TULP4: variants seen among roughly 807,000 people sequenced by gnomAD.
TULP4 encodes the protein TUB like protein 4.
Under a neutral mutation model 129.0 loss-of-function variants are expected in TULP4, and 16 were observed. The observed-to-expected ratio is 0.12, with a 90% CI of 0.08 to 0.19. The LOEUF (loss-of-function observed/expected upper bound fraction) is 0.19. TULP4 is among the 10% of genes least tolerant of loss of function. TULP4 has a pLI of 1.00. For synonymous variants in TULP4, 998 were observed against 854.0 expected (o/e 1.17, Z -2.94); for missense variants, 1,842 against 2,059.1 (o/e 0.89, Z 2.04).
rs907643970 is a variant in TULP4 at position 158,402,819 on chromosome 6, A to G, written c.253-10246A>G. On this transcript the variant is annotated intron_variant, in intron 1 of 13. Coordinates refer to ENST00000367097, the MANE Select transcript of TULP4 (RefSeq NM_020245.5). ...CAGGTTATTTTTGTAGCTATATCCAAAAATAAATGATGACTATTGGAGTTA... is the reference window on the plus strand; with the variant it reads ...CAGGTTATTTTTGTAGCTATATCCAGAAATAAATGATGACTATTGGAGTTA... 2.6e-5 allele frequency among the ~76,000 whole-genome samples: 4 copies of G among 152,324 alleles called. No individual in the cohort carries two copies. The South Asian group carries it at 8.3e-4, about 32-fold the overall frequency.
Position 158,406,140 on chromosome 6 carries a change from G to A in TULP4, c.253-6925G>A, listed in dbSNP as rs183891181. Among the ~76,000 whole-genome samples, 3 of 152,234 alleles carry A rather than the reference G, an allele frequency of 2.0e-5. No individual in the cohort carries two copies. The East Asian group carries it at 5.8e-4, about 29-fold the overall frequency. On this transcript the variant is annotated intron_variant, in intron 1 of 13. Transcript: ENST00000367097. ...ATTGACGGCCACAGGTGACAGCTTG[G>A]TTAACAGGTGCTCTGAACAAGAGAG...
chr6:158,509,638 A>G lies in TULP4; in HGVS notation c.*2944A>G, dbSNP rs1402038267. On this transcript the variant is annotated 3_prime_UTR_variant, in exon 14 of 14. Transcript: ENST00000367097. ...TCTAAATGCCTAGCTCCCTCCCCCA[A>G]AGGCGCTTTCCCCCGATGGAGGCAC... 2 of 152,182 alleles carry G rather than the reference A, an allele frequency of 1.3e-5. No homozygotes were observed. Among genetic ancestry groups the G allele is most frequent in the South Asian group, 2.1e-4 (1 of 4,824 alleles). 9.4% of individuals were successfully genotyped at this position (152,182 alleles called of 1,614,324 possible). A position where few individuals can be genotyped will look rare whatever the true frequency, so the allele number is the denominator to read the frequency against.
At chr6:158,370,830 A>G (rs535958205) in intron 1 of TULP4, among the ~76,000 whole-genome samples, 6 of 152,346 alleles carry the variant, frequency 3.9e-5, no homozygotes, top group African/African-American at 1.4e-4. Context: ...GGAGTCAGAT[A>G]GTAGCTCTGA....
chr6:158,472,664 T>TA (rs2128247124), intron 6 of TULP4, among the ~76,000 whole-genome samples: 1 of 152,336 alleles, frequency 6.6e-6, no homozygotes, highest in East Asian at 1.9e-4. Flanking sequence ...TAAAAAGAAC[T>TA]AAATGCAATT....
chr6:158,281,351 T>C (rs1778749752), upstream of TULP4, among the ~76,000 whole-genome samples: 1 of 152,106 alleles, frequency 6.6e-6, no homozygotes, highest in East Asian at 1.9e-4. Context: ...GTAGCTGGGA[T>C]TACAGGCGCC....
At chr6:158,240,987 A>T (rs1394333503) in intron 1 of TULP4, among the ~76,000 whole-genome samples, 1 of 137,992 alleles carries the variant, frequency 7.2e-6, no homozygotes, top group African/African-American at 2.6e-5. Flanking sequence ...CTCACTTCTC[A>T]GACGGGGTGG....
At chr6:158,473,927 C>G (rs941947515) in intron 6 of TULP4, among the ~76,000 whole-genome samples, 1 of 152,218 alleles carries the variant, frequency 6.6e-6, no homozygotes, top group Non-Finnish European at 1.5e-5. Context: ...AAACGATCCT[C>G]CTGCCTCAGC....
At chr6:158,442,774 T>TA (rs1176310589) in intron 3 of TULP4, among the ~76,000 whole-genome samples, 5 of 151,986 alleles carry the variant, frequency 3.3e-5, no homozygotes, top group Non-Finnish European at 7.4e-5. Flanking sequence ...TGTTTTCAGT[T>TA]ACTTGTGTAC....
In TULP4 at chr6:158,503,700, A is replaced by T; in HGVS notation, c.4037A>T (p.Glu1346Val). 6.2e-7 allele frequency: 1 copy of T among 1,614,028 alleles called. No homozygotes were observed. The highest frequency in any genetic ancestry group is 8.5e-7 in the Non-Finnish European group (1 of 1,180,018). The change falls in exon 13 of 14, where the codon GAA becomes GTA. Residue 1346 changes from glutamate to valine, a missense_variant. Physicochemically the swap from Glu to Val is moderately radical, Grantham distance 121. Coordinates refer to ENST00000367097, the MANE Select transcript of TULP4 (RefSeq NM_020245.5). This position sits in a 1 kb window ranked among gnomAD's most constrained non-coding sequence, Gnocchi z 4.3. ...KNRKRLDSRAEEGSVQAITEG... is the reference protein window; with the variant it reads ...KNRKRLDSRAVEGSVQAITEG... ...CGGAAGCGCCTGGACAGCCGAGCAGAAGAAGGCAGCGTTCAGGCCATCACT... is the reference window on the plus strand; with the variant it reads ...CGGAAGCGCCTGGACAGCCGAGCAGTAGAAGGCAGCGTTCAGGCCATCACT...
rs979188999 is a variant in TULP4, at chr6:158,241,929, G to A, written n.68+9626G>A. ...ATTCTATAGCTTGTAGTTGTTTCTT[G>A]GAAAGCTTAAACTCTACTCTTTCCG... On this transcript the variant is annotated intron_variant and non_coding_transcript_variant, in intron 1 of 1. Transcript: ENST00000620026. 8 of 805,702 alleles carry A rather than the reference G, an allele frequency of 9.9e-6. No homozygotes were observed. The African/African-American group carries it at 1.3e-4, about 13-fold the overall frequency. The allele number at this position is 805,702 out of a possible 1,614,324, so 49.9% of individuals were successfully genotyped here.
intron 1 of TULP4, among the ~76,000 whole-genome samples, chr6:158,246,243 T>G (rs550455997): frequency 6.6e-6 from 1 of 152,254 alleles, no homozygotes; most frequent in African/African-American, 2.4e-5. Flanking sequence ...GGCTCATGCC[T>G]GTAATCCCAG....
intron 2 of TULP4, among the ~76,000 whole-genome samples, chr6:158,417,495 A>G (rs1778235954): frequency 6.6e-6 from 1 of 152,152 alleles, no homozygotes; most frequent in Non-Finnish European, 1.5e-5. Flanking sequence ...CAGATTTTTC[A>G]AATCTTAGAA....
chr6:158,376,347 G>C (rs150330139), intron 1 of TULP4, among the ~76,000 whole-genome samples: 1 of 152,246 alleles, frequency 6.6e-6, no homozygotes, highest in Non-Finnish European at 1.5e-5. Context: ...TCCCATGTCT[G>C]GTGCCTACAC....
At chr6:158,350,926 G>C (rs1053202105) in intron 1 of TULP4, among the ~76,000 whole-genome samples, 24 of 152,180 alleles carry the variant, frequency 1.6e-4, no homozygotes, top group African/African-American at 5.8e-4. Flanking sequence ...GCTAACTTTT[G>C]TATTTTTAGT....
rs149068786 is a variant in TULP4 at position 158,384,211 on chromosome 6, C to T, written c.253-28854C>T. Among the ~76,000 whole-genome samples the T allele has an allele frequency of 2.1e-4, 32 of 151,948 alleles. 1 individual carries two copies. The East Asian group carries it at 6.0e-3, about 28-fold the overall frequency. The stretch of plus-strand genomic sequence containing the variant: ...CAATTCTTTTATTCATTTTTATTAC[C>T]ATAATGTAGTATACGTTATGACAAG... On this transcript the variant is annotated intron_variant, in intron 1 of 13. Coordinates refer to ENST00000367097, the MANE Select transcript of TULP4 (RefSeq NM_020245.5).
At chr6:158,297,321 T>G (rs1203030335) in intron 1 of TULP4, among the ~76,000 whole-genome samples, 2 of 152,230 alleles carry the variant, frequency 1.3e-5, no homozygotes, top group African/African-American at 4.8e-5. Context: ...TGTCTTGCAT[T>G]GTTCCCTAAA....
chr6:158,294,362 C>CAAAAAAAAAAAT (rs1259350079), intron 1 of TULP4, among the ~76,000 whole-genome samples: 1 of 126,048 alleles, frequency 7.9e-6, no homozygotes, highest in African/African-American at 3.0e-5. Context: ...GACTCCATCT[C>CAAAAAAAAAAAT]AAAAAAAAAA....
chr6:158,501,570 C>T (rs1780445715), intron 12 of TULP4, 108 bp from the exon 13 acceptor site: 4 of 1,151,112 alleles, frequency 3.5e-6, no homozygotes, highest in Non-Finnish European at 4.9e-6. Flanking sequence ...TGGCAATTTG[C>T]ATTTTGTTTA....
upstream of TULP4, among the ~76,000 whole-genome samples, chr6:158,308,657 G>T (rs1444244318): frequency 3.5e-5 from 5 of 142,040 alleles, no homozygotes; most frequent in Non-Finnish European, 6.2e-5. Context: ...CCTCTCGGAC[G>T]GGGCGGCTGG....
Sources: allele counts gnomAD v4.1 joint callset (sites outside exome capture counted in the v4.1 genomes callset), GRCh38; gene constraint gnomAD v4.1.1; non-coding constraint Gnocchi (gnomAD v3.1); transcripts MANE v1.5; gene names NCBI Gene and HGNC (gene_info 2026-07-23, HGNC 2026-07-21).